Variants in PHACTR1 observed in about 807,000 individuals in gnomAD.
The protein encoded by PHACTR1 is RPEL repeat containing 1.
A neutral mutation model predicts 69.2 loss-of-function variants in PHACTR1; 16 were observed. The observed-to-expected ratio is 0.23, with a 90% CI of 0.16 to 0.35. PHACTR1 has a LOEUF of 0.35. Ranked by LOEUF, PHACTR1 falls within the 10% of genes least tolerant of loss-of-function variation. The pLI, the probability that PHACTR1 is intolerant of heterozygous loss-of-function variation, is 1.00. For synonymous variants in PHACTR1, 312 were observed against 284.5 expected (o/e 1.10, Z -0.97); for missense variants, 510 against 734.7 (o/e 0.69, Z 3.54).
Position 12,721,417 on chromosome 6 carries a change from C to T in PHACTR1, c.103+2570C>T, listed in dbSNP as rs186577840. Among the ~76,000 whole-genome samples, 560 of 151,702 alleles carry T rather than the reference C, an allele frequency of 3.7e-3. 7 individuals carry two copies. The highest frequency in any genetic ancestry group is 0.013 in the African/African-American group (523 of 41,378). ...ACTTCACAATGAAGCCACTGCCTTGCAAACAAGAAATGTGGCCTGATAAAA... is the reference window on the plus strand; with the variant it reads ...ACTTCACAATGAAGCCACTGCCTTGTAAACAAGAAATGTGGCCTGATAAAA... On this transcript the variant is annotated intron_variant, in intron 3 of 14. Coordinates refer to ENST00000332995, the MANE Select transcript of PHACTR1 (RefSeq NM_030948.6).
intron 4 of PHACTR1, among the ~76,000 whole-genome samples, chr6:12,850,351 C>T (rs989312330): frequency 1.3e-5 from 2 of 152,258 alleles, no homozygotes; most frequent in Admixed American, 1.3e-4. Context: ...GGCCCGCGTG[C>T]AGATGCAAAG....
intron 4 of PHACTR1, among the ~76,000 whole-genome samples, chr6:12,872,782 A>G (rs1782174318): frequency 6.6e-6 from 1 of 152,068 alleles, no homozygotes; most frequent in South Asian, 2.1e-4. Context: ...ATCCTCCTCA[A>G]GGGGGCAGGA....
intron 4 of PHACTR1, among the ~76,000 whole-genome samples, chr6:12,939,635 A>T (rs970417670): frequency 1.3e-5 from 2 of 152,156 alleles, no homozygotes; most frequent in African/African-American, 4.8e-5. Flanking sequence ...ACTCTTCTTT[A>T]TTGATGTGGA....
intron 4 of PHACTR1, among the ~76,000 whole-genome samples, chr6:13,009,860 G>GCCA (rs142689950): frequency 8.2e-5 from 12 of 145,482 alleles, no homozygotes; most frequent in South Asian, 4.5e-4. Context: ...TCCCTACACT[G>GCCA]CCACCACCAC....
chr6:12,784,398 A>G (rs1392977416), intron 4 of PHACTR1, among the ~76,000 whole-genome samples: 1 of 151,908 alleles, frequency 6.6e-6, no homozygotes, highest in Admixed American at 6.6e-5. Context: ...ATATATACAT[A>G]TACACACATA....
intron 3 of PHACTR1, among the ~76,000 whole-genome samples, chr6:12,739,543 A>C (rs554211269): frequency 1.3e-3 from 197 of 152,032 alleles, no homozygotes; most frequent in African/African-American, 4.3e-3. Context: ...TAAATAAATA[A>C]ATTTATTTAT....
intron 7 of PHACTR1, among the ~76,000 whole-genome samples, chr6:13,197,522 C>G (rs1297504161): frequency 6.6e-6 from 1 of 152,002 alleles, no homozygotes; most frequent in East Asian, 1.9e-4. Context: ...GTACTTAAAC[C>G]CCAGCTCTTC....
At chr6:13,114,341 C>T (rs1014422065) in intron 5 of PHACTR1, among the ~76,000 whole-genome samples, 1 of 152,056 alleles carries the variant, frequency 6.6e-6, no homozygotes, top group African/African-American at 2.4e-5. Flanking sequence ...GAGTTCATCC[C>T]TAGCTCTCAT....
intron 4 of PHACTR1, among the ~76,000 whole-genome samples, chr6:12,765,292 A>C (rs542416825): frequency 2.6e-5 from 4 of 152,216 alleles, no homozygotes; most frequent in African/African-American, 7.2e-5. Flanking sequence ...ACAAGTTAAC[A>C]ATTTCATCAA....
intron 8 of PHACTR1, chr6:13,214,345 TTAAATC>T (rs1452839727): frequency 9.2e-5 from 14 of 152,338 alleles, no homozygotes; most frequent in African/African-American, 3.4e-4. Context: ...TCCCTTAAAA[TTAAATC>T]TAGATCTTTA....
intron 4 of PHACTR1, among the ~76,000 whole-genome samples, chr6:13,043,710 A>C (rs1039316011): frequency 3.9e-5 from 6 of 152,224 alleles, no homozygotes; most frequent in Admixed American, 3.9e-4. Context: ...CTGCAGGGGA[A>C]ACCAGGCTTT....
chr6:13,117,246 C>T (rs1817953396), intron 5 of PHACTR1, among the ~76,000 whole-genome samples: 1 of 152,170 alleles, frequency 6.6e-6, no homozygotes, highest in Non-Finnish European at 1.5e-5. Flanking sequence ...GACAAGAGAC[C>T]ACTTGGTTTC....
At chr6:13,157,695 T>G (rs1172518861) in intron 5 of PHACTR1, among the ~76,000 whole-genome samples, 2 of 152,250 alleles carry the variant, frequency 1.3e-5, no homozygotes, top group Admixed American at 6.5e-5. Flanking sequence ...AACCTCATTT[T>G]GTTTAAGAGA....
chr6:13,268,838 T>G (rs993176851), intron 10 of PHACTR1, among the ~76,000 whole-genome samples: 1 of 152,236 alleles, frequency 6.6e-6, no homozygotes, highest in Non-Finnish European at 1.5e-5. Context: ...TGATTAGTCT[T>G]GATGTTCTCA....
intron 4 of PHACTR1, among the ~76,000 whole-genome samples, chr6:12,901,640 G>A (rs951874497): frequency 1.1e-4 from 17 of 152,152 alleles, no homozygotes; most frequent in African/African-American, 2.9e-4. Flanking sequence ...GATTACCGGC[G>A]CCCGCCACCA....
chr6:12,998,480 G>A (rs1479881594), intron 4 of PHACTR1, among the ~76,000 whole-genome samples: 8 of 151,900 alleles, frequency 5.3e-5, no homozygotes, highest in African/African-American at 1.9e-4. Context: ...GCCAGGCATG[G>A]TGGTGCACAC....
intron 4 of PHACTR1, among the ~76,000 whole-genome samples, chr6:12,934,339 G>A (rs115854324): frequency 0.017 from 2,631 of 152,232 alleles, 80 homozygotes; most frequent in African/African-American, 0.06. Context: ...CTATAAAGAC[G>A]CTATTTCCAA....
intron 4 of PHACTR1, among the ~76,000 whole-genome samples, chr6:12,886,781 C>T (rs1045772109): frequency 6.6e-6 from 1 of 151,966 alleles, no homozygotes; most frequent in Non-Finnish European, 1.5e-5. Context: ...GTGTCTGATA[C>T]TTCCTTTCTG....
rs143136201 is a variant in PHACTR1, at chr6:13,062,023, G to A, written c.415+8494G>A. 3.0e-3 allele frequency among the ~76,000 whole-genome samples: 455 copies of A among 152,304 alleles called. 1 individual carries two copies. Among genetic ancestry groups the A allele is most frequent in the Middle Eastern group, 0.014 (4 of 294 alleles). ...TGATTGCTTGTTCATCTTCCATGCA[G>A]TTGGGAACCTGTGAAACATAGCCTT... On this transcript the variant is annotated intron_variant, in intron 5 of 14. Transcript: ENST00000332995.
Sources: allele counts gnomAD v4.1 joint callset (sites outside exome capture counted in the v4.1 genomes callset), GRCh38; gene constraint gnomAD v4.1.1; transcripts MANE v1.5; gene names NCBI Gene and HGNC (gene_info 2026-07-23, HGNC 2026-07-21).